ARHGAP44: variants seen among roughly 807,000 people sequenced by gnomAD.
ARHGAP44 encodes Rho GTPase activating protein 44.
ARHGAP44 carries 43 observed loss-of-function variants against 106.8 expected under a neutral mutation model. The observed-to-expected ratio is 0.40, with a 90% confidence interval of 0.32 to 0.52. The LOEUF (loss-of-function observed/expected upper bound fraction) is 0.52, where lower values mean the gene tolerates loss of function less well. ARHGAP44 is among the 20% of genes least tolerant of loss of function. The probability of loss-of-function intolerance (pLI) is 0.48; values close to 1 mark genes in which losing one functional copy is unlikely to be tolerated. For missense variants in ARHGAP44, 866 were observed against 1,050.5 expected (o/e 0.82, Z 2.43); for synonymous variants, 439 against 410.3 (o/e 1.07, Z -0.85).
At chr17:12,812,891 A>G (rs1050999841) in intron 1 of ARHGAP44, among the ~76,000 whole-genome samples, 27 of 152,144 alleles carry the variant, frequency 1.8e-4, no homozygotes, top group Non-Finnish European at 4.0e-4. Flanking sequence ...TCCCTTAACA[A>G]CTTAAAAAAT....
At chr17:12,813,212 A>G (rs1322583715) in intron 1 of ARHGAP44, among the ~76,000 whole-genome samples, 1 of 152,154 alleles carries the variant, frequency 6.6e-6, no homozygotes, top group African/African-American at 2.4e-5. Flanking sequence ...AGGAAATTGA[A>G]CGGTTTTCTC....
chr17:12,855,756 G>A (rs1462206350), intron 1 of ARHGAP44, among the ~76,000 whole-genome samples: 1 of 152,180 alleles, frequency 6.6e-6, no homozygotes, highest in African/African-American at 2.4e-5. Flanking sequence ...AGCGATTAAT[G>A]TTGAAGATTT....
At chr17:12,828,205 TTC>T (rs375778693) in intron 1 of ARHGAP44, among the ~76,000 whole-genome samples, 294 of 152,240 alleles carry the variant, frequency 1.9e-3, no homozygotes, top group Non-Finnish European at 2.6e-3. Flanking sequence ...GGTAGTTTTT[TTC>T]TCTTTCTTTA....
chr17:12,960,753 G>A (rs2039242884), intron 16 of ARHGAP44, among the ~76,000 whole-genome samples: 1 of 151,890 alleles, frequency 6.6e-6, no homozygotes, highest in South Asian at 2.1e-4. Context: ...TAGTAGAGAT[G>A]GGGTTTTACC....
chr17:12,910,260 C>CTTT (rs71369352), intron 4 of ARHGAP44, among the ~76,000 whole-genome samples: 1 of 132,882 alleles, frequency 7.5e-6, no homozygotes. Context: ...GGGGAGGAAA[C>CTTT]TTTTTTTTTT....
intron 1 of ARHGAP44, among the ~76,000 whole-genome samples, chr17:12,814,238 T>TG (rs1188446215): frequency 1.4e-5 from 2 of 141,746 alleles, no homozygotes; most frequent in Non-Finnish European, 3.1e-5. Context: ...AACTGGTGTT[T>TG]TTTTTTTTTT....
At chr17:12,906,214 G>A (rs1445389874) in intron 3 of ARHGAP44, among the ~76,000 whole-genome samples, 1 of 152,170 alleles carries the variant, frequency 6.6e-6, no homozygotes, top group East Asian at 1.9e-4. Context: ...AACAGACTCT[G>A]TTTGTCTACA....
intron 1 of ARHGAP44, among the ~76,000 whole-genome samples, chr17:12,829,627 C>G (rs2035029215): frequency 6.6e-6 from 1 of 152,118 alleles, no homozygotes; most frequent in Non-Finnish European, 1.5e-5. Context: ...TTTGATCAAC[C>G]TGACCTGTTC....
At chr17:12,800,107 T>C (rs2034043990) in intron 1 of ARHGAP44, among the ~76,000 whole-genome samples, 5 of 152,362 alleles carry the variant, frequency 3.3e-5, no homozygotes, top group African/African-American at 1.2e-4. Flanking sequence ...AAGCACTCAA[T>C]AAATGACAGT....
At chr17:12,941,722 TAGACA>T (rs1461277806) in intron 8 of ARHGAP44, among the ~76,000 whole-genome samples, 2 of 152,204 alleles carry the variant, frequency 1.3e-5, no homozygotes, top group Non-Finnish European at 2.9e-5. Context: ...CAAAGTGATT[TAGACA>T]GTAAGAAACA....
At chr17:12,851,630 C>T (rs543479726) in intron 1 of ARHGAP44, among the ~76,000 whole-genome samples, 88 of 152,252 alleles carry the variant, frequency 5.8e-4, no homozygotes, top group Non-Finnish European at 1.0e-3. Context: ...GAAACGGTTT[C>T]ACCATGTTAG....
chr17:12,933,893 G>C (rs904335154), intron 7 of ARHGAP44, among the ~76,000 whole-genome samples: 13 of 150,140 alleles, frequency 8.7e-5, no homozygotes, highest in African/African-American at 3.0e-4. Context: ...CTGTCGCCCA[G>C]GCTGGAGTGT....
chr17:12,899,314 T>G (rs1354079534), intron 3 of ARHGAP44, among the ~76,000 whole-genome samples: 1 of 152,196 alleles, frequency 6.6e-6, no homozygotes, highest in African/African-American at 2.4e-5. Context: ...TGATTTCTTA[T>G]GCTGATTCAT....
At chr17:12,944,567 C>A (rs1183218545) in intron 10 of ARHGAP44, among the ~76,000 whole-genome samples, 1 of 151,878 alleles carries the variant, frequency 6.6e-6, no homozygotes, top group Admixed American at 6.6e-5. Flanking sequence ...TTCACTGCAA[C>A]CTCTGCCTCC....
chr17:12,897,710 C>CTTTTTTT (rs71980749), intron 3 of ARHGAP44, among the ~76,000 whole-genome samples: 3 of 108,950 alleles, frequency 2.8e-5, no homozygotes, highest in African/African-American at 3.5e-5. Context: ...TGATCTGTGT[C>CTTTTTTT]TTTTTTTTTT....
intron 7 of ARHGAP44, among the ~76,000 whole-genome samples, chr17:12,930,796 TA>T (rs2038376439): frequency 6.6e-6 from 1 of 152,174 alleles, no homozygotes; most frequent in Non-Finnish European, 1.5e-5. Flanking sequence ...AGTTAAAAAA[TA>T]CAAAAATATA....
chr17:12,814,793 C>T (rs771594361), intron 1 of ARHGAP44, among the ~76,000 whole-genome samples: 2 of 152,160 alleles, frequency 1.3e-5, no homozygotes, highest in African/African-American at 4.8e-5. Flanking sequence ...TCTCTTCCTT[C>T]TTATCTCCTG....
chr17:12,987,857 G>A (rs1387163113), intron 20 of ARHGAP44: 2 of 152,104 alleles, frequency 1.3e-5, no homozygotes, highest in African/African-American at 4.8e-5. Flanking sequence ...TATCTATTTG[G>A]TCTCCTCCTC....
intron 4 of ARHGAP44, among the ~76,000 whole-genome samples, chr17:12,912,244 A>G (rs1283773569): frequency 1.3e-5 from 2 of 152,228 alleles, no homozygotes; most frequent in African/African-American, 4.8e-5. Flanking sequence ...CAAAATATTT[A>G]TGGGAAAGAA....
Sources: gnomAD v4.1 joint callset for allele counts (sites outside exome capture counted in the v4.1 genomes callset) on GRCh38, gnomAD v4.1.1 for gene constraint, MANE v1.5 for transcripts, NCBI Gene and HGNC (gene_info 2026-07-23, HGNC 2026-07-21) for gene names.